The following MAS1 variants were observed in gnomAD, a reference collection of about 807,000 sequenced individuals.
MAS1 encodes proto-oncogene Mas.
For missense variants in MAS1, 387 were observed against 409.7 expected, an observed-to-expected ratio of 0.94 and a Z score of 0.48; for synonymous variants, 163 against 164.2, an observed-to-expected ratio of 0.99 and a Z score of 0.05.
At position 159,898,728 on chromosome 6, in the gene MAS1, C is replaced by G. The variant is rs1583211853; in HGVS notation, c.-243-458C>G. Among the ~76,000 whole-genome samples, 2 of 148,896 alleles carry G rather than the reference C, an allele frequency of 1.3e-5. 1 individual carries two copies. The highest frequency in any genetic ancestry group is 7.7e-3 in the Middle Eastern group (2 of 260). Reference sequence around the variant, plus strand: ...TCCTCCTCCCTCTTCCTCCTCCTCCCTCTTCCTCCTCCTCCTCGTTCCTTC... The same window carrying G: ...TCCTCCTCCCTCTTCCTCCTCCTCCGTCTTCCTCCTCCTCCTCGTTCCTTC... On this transcript the variant is annotated intron_variant, in intron 1 of 2. Coordinates refer to ENST00000674077, the MANE Select transcript of MAS1 (RefSeq NM_002377.4).
At chr6:159,898,857 A>G (rs111949336) in intron 1 of MAS1, among the ~76,000 whole-genome samples, 1 of 151,640 alleles carries the variant, frequency 6.6e-6, no homozygotes, top group African/African-American at 2.4e-5. Context: ...TCAGAAGTCA[A>G]GTGACCTGGA....
chr6:159,902,783 C>T lies in MAS1; in HGVS notation c.-37+3391C>T, dbSNP rs558915173. The stretch of plus-strand genomic sequence containing the variant: ...TGCCGGCCACTGTATCGCCTCCCAC[C>T]CTCCTTGCTGTGGTTGGTTCGGACC... On this transcript the variant is annotated intron_variant, in intron 2 of 2. Transcript: ENST00000674077. Among the ~76,000 whole-genome samples the T allele has an allele frequency of 2.0e-5, 3 of 152,276 alleles. No individual in the cohort carries two copies. The South Asian group carries it at 6.2e-4, about 32-fold the overall frequency.
chr6:159,903,797 A>G (rs1782850600), intron 2 of MAS1, among the ~76,000 whole-genome samples: 1 of 152,094 alleles, frequency 6.6e-6, no homozygotes, highest in South Asian at 2.1e-4. Context: ...CTATCCATGT[A>G]TAATTCTTAT....
At chr6:159,896,635 A>T (rs545066249) in intron 1 of MAS1, among the ~76,000 whole-genome samples, 1 of 152,318 alleles carries the variant, frequency 6.6e-6, no homozygotes, top group South Asian at 2.1e-4. Flanking sequence ...TTTAAAAGAA[A>T]ATATCCCCAT....
At chr6:159,895,629 A>C (rs1368383053) in intron 1 of MAS1, among the ~76,000 whole-genome samples, 1 of 152,248 alleles carries the variant, frequency 6.6e-6, no homozygotes, top group Non-Finnish European at 1.5e-5. Flanking sequence ...AAGAATGTCC[A>C]ACCTCATTAG....
rs1782818701 is a variant in MAS1 at position 159,901,297 on chromosome 6, A to G, written c.-37+1905A>G. 2.0e-5 allele frequency among the ~76,000 whole-genome samples: 3 copies of G among 152,336 alleles called. No individual in the cohort carries two copies. In the South Asian group the frequency reaches 6.2e-4, roughly 32 times the overall value. ...TTTGGAAAGGAACACAATTCCGTCC[A>G]CAACAGTCAATAAGATAGAATTTTA... On this transcript the variant is annotated intron_variant, in intron 2 of 2. Transcript: ENST00000674077.
At chr6:159,901,605 T>G (rs982926001) in intron 2 of MAS1, among the ~76,000 whole-genome samples, 26 of 152,236 alleles carry the variant, frequency 1.7e-4, no homozygotes, top group African/African-American at 5.5e-4. Context: ...TCTAAACTTT[T>G]TTTTTAATTA....
chr6:159,896,056 C>T (rs947045842), intron 1 of MAS1, among the ~76,000 whole-genome samples: 6 of 152,234 alleles, frequency 3.9e-5, no homozygotes, highest in African/African-American at 1.4e-4. Context: ...CGCCTGTAAT[C>T]CCAGCACTGC....
chr6:159,905,630 G>T (rs369653060), intron 2 of MAS1, among the ~76,000 whole-genome samples: 149 of 152,336 alleles, frequency 9.8e-4, no homozygotes, highest in African/African-American at 3.5e-3. Context: ...CTGCTGACTT[G>T]ATTCTAGAAA....
In MAS1 at chr6:159,908,008, AG is replaced by A; in HGVS notation, c.*76del. On this transcript the variant is annotated 3_prime_UTR_variant, in exon 3 of 3. Transcript: ENST00000674077. ...TAGTTTGTGCTTGGAATATGACTTA[AG>A]TATCTCCTAAATGTGATACAGAAGA... is the stretch of plus-strand genomic sequence containing the variant. 6.8e-7 allele frequency: 1 copy of A among 1,467,772 alleles called. No homozygotes were observed. Among genetic ancestry groups the A allele is most frequent in the Non-Finnish European group, 9.2e-7 (1 of 1,090,224 alleles). 90.9% of individuals were successfully genotyped at this position (1,467,772 alleles called of 1,614,324 possible).
At position 159,910,104 on chromosome 6, in the gene MAS1, T is replaced by C. The variant is rs1164155668; in HGVS notation, c.*2171T>C. The C allele has an allele frequency of 6.6e-6, 1 of 152,208 alleles. No individual in the cohort carries two copies. Among genetic ancestry groups the C allele is most frequent in the Non-Finnish European group, 1.5e-5 (1 of 68,030 alleles). 9.4% of individuals were successfully genotyped at this position (152,208 alleles called of 1,614,324 possible). A position where few individuals can be genotyped will look rare whatever the true frequency, so the allele number is the denominator to read the frequency against. Reference sequence around the variant, plus strand: ...TTGTATCCTTTAGGCATTCAGACAATTTGCCTAAGTCATTGTAGGTTACTA... The same window carrying C: ...TTGTATCCTTTAGGCATTCAGACAACTTGCCTAAGTCATTGTAGGTTACTA... On this transcript the variant is annotated 3_prime_UTR_variant, in exon 3 of 3. Coordinates refer to ENST00000674077, the MANE Select transcript of MAS1 (RefSeq NM_002377.4).
rs1782946654 is a variant in MAS1, at chr6:159,909,969, T to A, written c.*2036T>A. The A allele has an allele frequency of 6.6e-6, 1 of 152,212 alleles. No individual in the cohort carries two copies. The highest frequency in any genetic ancestry group is 1.5e-5 in the Non-Finnish European group (1 of 68,038). 9.4% of individuals were successfully genotyped at this position (152,212 alleles called of 1,614,324 possible). On this transcript the variant is annotated 3_prime_UTR_variant, in exon 3 of 3. Transcript: ENST00000674077. Reference sequence around the variant, plus strand: ...CAGAGTTTGGCAGGGTTATAAAGACTAATTTCTTTCTGTCTTCCCCCAAAC... The same window carrying A: ...CAGAGTTTGGCAGGGTTATAAAGACAAATTTCTTTCTGTCTTCCCCCAAAC...
chr6:159,899,650 G>C (rs1035665164), intron 2 of MAS1, among the ~76,000 whole-genome samples: 3 of 152,088 alleles, frequency 2.0e-5, no homozygotes, highest in Non-Finnish European at 2.9e-5. Context: ...GAGGTGGGAG[G>C]ATCACTTGAG....
Position 159,907,043 on chromosome 6 carries a change from C to T in MAS1, c.88C>T (p.Arg30Trp), listed in dbSNP as rs557897610. Residue 30 changes from arginine (R) to tryptophan (W), a missense_variant, in exon 3 of 3, where the codon CGG becomes TGG. Transcript: ENST00000674077. ...GRNASVGNAH[R>W]QIPIVHWVIM... The stretch of plus-strand genomic sequence containing the variant: ...GAACGCCTCAGTCGGGAATGCACAT[C>T]GGCAAATCCCCATCGTGCACTGGGT... 7.4e-6 allele frequency: 12 copies of T among 1,614,046 alleles called. No individual in the cohort carries two copies. Among genetic ancestry groups the T allele is most frequent in the African/African-American group, 4.0e-5 (3 of 75,036 alleles).
intron 2 of MAS1, among the ~76,000 whole-genome samples, chr6:159,904,885 G>A (rs945462076): frequency 1.1e-4 from 16 of 152,234 alleles, no homozygotes; most frequent in African/African-American, 3.6e-4. Context: ...CTGGAACTTC[G>A]AACTTGCTGT....
chr6:159,901,870 T>G (rs781598710), intron 2 of MAS1, among the ~76,000 whole-genome samples: 8 of 148,076 alleles, frequency 5.4e-5, no homozygotes, highest in Admixed American at 4.7e-4. Context: ...AAAAAAAAAA[T>G]TAATGAAAGA....
rs1470993747 is a variant in MAS1, at chr6:159,898,588, C to T, written c.-243-598C>T. ...CTCCTCCTACCTCCTCTTCCTTTTC[C>T]CTGTTCCTCCTTCCTCTTCCTCCTC... On this transcript the variant is annotated intron_variant, in intron 1 of 2. Coordinates refer to ENST00000674077, the MANE Select transcript of MAS1 (RefSeq NM_002377.4). Among the ~76,000 whole-genome samples the T allele has an allele frequency of 2.4e-3, 318 of 131,482 alleles. 7 individuals are homozygous for T. Among genetic ancestry groups the T allele is most frequent in the African/African-American group, 9.1e-3 (304 of 33,290 alleles). The allele number at this position is 131,482 out of a possible 152,430, so 86.3% of individuals were successfully genotyped here. A position where few individuals can be genotyped will look rare whatever the true frequency, so the allele number is the denominator to read the frequency against.
rs143547879 is a variant in MAS1, at chr6:159,894,234, C to T, written c.-244+3101C>T. Among the ~76,000 whole-genome samples, 446 of 151,946 alleles carry T rather than the reference C, an allele frequency of 2.9e-3. 6 individuals are homozygous for T. Among genetic ancestry groups the T allele is most frequent in the African/African-American group, 0.01 (422 of 41,434 alleles). On this transcript the variant is annotated intron_variant, in intron 1 of 2. Transcript: ENST00000674077. Reference sequence around the variant, plus strand: ...AACGGAGCCTGCAGACTGGCCAACACGGCAAAACTCCGTTTCTACTAAAAA... The same window carrying T: ...AACGGAGCCTGCAGACTGGCCAACATGGCAAAACTCCGTTTCTACTAAAAA...
At chr6:159,894,693 G>C (rs1447849584) in intron 1 of MAS1, among the ~76,000 whole-genome samples, 2 of 152,210 alleles carry the variant, frequency 1.3e-5, no homozygotes, top group African/African-American at 2.4e-5. Flanking sequence ...TGAGAGCGCT[G>C]CGCTGTTGAA....
Sources: gnomAD v4.1 joint callset for allele counts (sites outside exome capture counted in the v4.1 genomes callset) on GRCh38, gnomAD v4.1.1 for gene constraint, MANE v1.5 for transcripts, NCBI Gene and HGNC (gene_info 2026-07-23, HGNC 2026-07-21) for gene names.